RYR3: variants seen among roughly 807,000 people sequenced by gnomAD.
The protein encoded by RYR3 is ryanodine receptor 3, also known as brain ryanodine receptor-calcium release channel.
In RYR3, 207 loss-of-function variants were observed where a neutral mutation model predicts 584.3. The observed-to-expected ratio is 0.35, with a 90% CI of 0.32 to 0.40. The LOEUF (loss-of-function observed/expected upper bound fraction) is 0.40. Ranked by LOEUF, RYR3 falls within the 10% of genes least tolerant of loss-of-function variation. RYR3 has a pLI of 1.00. For missense variants in RYR3, 5,616 were observed against 6,089.2 expected, an observed-to-expected ratio of 0.92 and a Z score of 2.59; for synonymous variants, 2,416 against 2,248.5, an observed-to-expected ratio of 1.07 and a Z score of -2.11.
At chr15:33,489,405 G>A (rs889991408) in intron 2 of RYR3, among the ~76,000 whole-genome samples, 1 of 151,988 alleles carries the variant, frequency 6.6e-6, no homozygotes, top group African/African-American at 2.4e-5. Flanking sequence ...TTCCTTCTTT[G>A]TGCTCATAAG....
chr15:33,807,590 G>A (rs369581811), intron 70 of RYR3, 21 bp downstream of exon 70: 195 of 1,549,922 alleles, frequency 1.3e-4, no homozygotes, highest in Middle Eastern at 5.0e-4. Flanking sequence ...AATGCATGAC[G>A]TGTCTTTTCT....
intron 2 of RYR3, among the ~76,000 whole-genome samples, chr15:33,495,813 A>G (rs61093476): frequency 4.8e-4 from 73 of 152,334 alleles, no homozygotes; most frequent in African/African-American, 1.6e-3. Flanking sequence ...GCACAAATAC[A>G]TAAATAAAAT....
intron 42 of RYR3, among the ~76,000 whole-genome samples, chr15:33,706,017 C>T (rs1368486024): frequency 1.3e-5 from 2 of 152,106 alleles, no homozygotes; most frequent in African/African-American, 2.4e-5. Flanking sequence ...TCCTACATAA[C>T]AATGATAATC....
At chr15:33,651,603 G>A (rs1182667982) in intron 31 of RYR3, among the ~76,000 whole-genome samples, 2 of 152,152 alleles carry the variant, frequency 1.3e-5, no homozygotes, top group Non-Finnish European at 2.9e-5. Context: ...ATCCTGAGAG[G>A]TGAAGCAACT....
At chr15:33,781,846 C>CA (rs60586570) in intron 65 of RYR3, among the ~76,000 whole-genome samples, 85 of 126,262 alleles carry the variant, frequency 6.7e-4, no homozygotes, top group African/African-American at 1.1e-3. Flanking sequence ...TTGAAATTAG[C>CA]AAAAAAAAAA....
chr15:33,813,489 A>T lies in RYR3; in HGVS notation c.10412A>T (p.Lys3471Met). The change falls in exon 74 of 104, where the codon AAG becomes ATG. Residue 3471 changes from lysine (K) to methionine (M), a missense_variant. By Grantham distance (95) the Lys-to-Met change is moderately conservative. Transcript: ENST00000634891. The stretch of plus-strand genomic sequence containing the variant: ...CAGGTGGAACAGCCTTTGAGGTCCA[A>T]GAAGGCCGTCTGGCACAAACTGTTA... Reference protein sequence around the residue: ...LEQVEQPLRSKKAVWHKLLSK... With the variant: ...LEQVEQPLRSMKAVWHKLLSK... The T allele has an allele frequency of 6.2e-7, 1 of 1,613,872 alleles. No individual in the cohort carries two copies. Among genetic ancestry groups the T allele is most frequent in the East Asian group, 2.2e-5 (1 of 44,892 alleles).
intron 9 of RYR3, among the ~76,000 whole-genome samples, chr15:33,549,201 C>G (rs2056483848): frequency 1.3e-5 from 2 of 152,130 alleles, no homozygotes; most frequent in South Asian, 4.1e-4. Flanking sequence ...GTAACATACT[C>G]TTGTTCTCAG....
chr15:33,811,399 GGAGGCT>G (rs1471435126), intron 72 of RYR3, among the ~76,000 whole-genome samples: 2 of 152,032 alleles, frequency 1.3e-5, no homozygotes, highest in East Asian at 3.9e-4. Context: ...CAGCTACTTG[GGAGGCT>G]GAGGCAGAGG....
chr15:33,321,431 T>C (rs538828267), intron 1 of RYR3, among the ~76,000 whole-genome samples: 152 of 152,322 alleles, frequency 1.0e-3, no homozygotes, highest in African/African-American at 3.3e-3. Context: ...ATTCCCATCC[T>C]TTTTCCCTCT....
At chr15:33,735,714 G>A (rs1325389421) in intron 48 of RYR3, among the ~76,000 whole-genome samples, 2 of 152,094 alleles carry the variant, frequency 1.3e-5, no homozygotes, top group South Asian at 2.1e-4. Flanking sequence ...GCCTATTAAC[G>A]GAGTTGTTTT....
intron 49 of RYR3, 149 bp downstream of exon 49, chr15:33,736,474 A>G: frequency 3.6e-6 from 2 of 551,156 alleles, no homozygotes; most frequent in South Asian, 2.7e-5. Context: ...GATAGATCCC[A>G]CAAAACCAAG....
chr15:33,339,868 G>A (rs143106723), intron 1 of RYR3, among the ~76,000 whole-genome samples: 15 of 140,776 alleles, frequency 1.1e-4, no homozygotes, highest in East Asian at 2.1e-4. Flanking sequence ...CAGCCTGGGC[G>A]ACAGAGCAAG....
At chr15:33,632,859 G>A in intron 23 of RYR3, 90 bp from the exon 24 acceptor site, 2 of 1,109,300 alleles carry the variant, frequency 1.8e-6, no homozygotes, top group South Asian at 3.1e-5. Flanking sequence ...TATTTGCGTA[G>A]CGTTCTTACC....
chr15:33,515,786 G>A (rs115420176), intron 3 of RYR3, among the ~76,000 whole-genome samples: 40 of 152,264 alleles, frequency 2.6e-4, no homozygotes, highest in African/African-American at 9.4e-4. Context: ...AGTTCTGCCA[G>A]TCTCTTTCCC....
chr15:33,707,890 C>T (rs1225385285), intron 43 of RYR3, among the ~76,000 whole-genome samples: 1 of 152,032 alleles, frequency 6.6e-6, no homozygotes, highest in Non-Finnish European at 1.5e-5. Context: ...TTCTTGTTGT[C>T]TCTCTACCCT....
chr15:33,457,804 A>T (rs1024163881), intron 1 of RYR3, among the ~76,000 whole-genome samples: 3 of 152,210 alleles, frequency 2.0e-5, no homozygotes, highest in African/African-American at 7.2e-5. Context: ...CATACAACAT[A>T]TGTATTGAAA....
intron 1 of RYR3, among the ~76,000 whole-genome samples, chr15:33,445,692 C>CACACAT (rs2046590240): frequency 6.6e-6 from 1 of 150,946 alleles, no homozygotes; most frequent in Admixed American, 6.6e-5. Flanking sequence ...CACACACACA[C>CACACAT]ACACACACAC....
At chr15:33,742,731 T>G (rs1567072551) in intron 52 of RYR3, among the ~76,000 whole-genome samples, 1 of 152,174 alleles carries the variant, frequency 6.6e-6, no homozygotes, top group Non-Finnish European at 1.5e-5. Context: ...AACACAGGCT[T>G]GTATGTGTTT....
At chr15:33,675,171 G>A (rs1459508981) in intron 38 of RYR3, among the ~76,000 whole-genome samples, 1 of 152,220 alleles carries the variant, frequency 6.6e-6, no homozygotes, top group East Asian at 1.9e-4. Flanking sequence ...GTAATATTTG[G>A]TCTCCCAGTT....
Sources: gnomAD v4.1 joint callset for allele counts (sites outside exome capture counted in the v4.1 genomes callset) on GRCh38, gnomAD v4.1.1 for gene constraint, MANE v1.5 for transcripts, NCBI Gene and HGNC (gene_info 2026-07-23, HGNC 2026-07-21) for gene names.